Variants in BBS9 observed in about 807,000 individuals in gnomAD.
The protein encoded by BBS9 is Bardet-Biedl syndrome 9.
A neutral mutation model predicts 117.7 loss-of-function variants in BBS9; 89 were observed. That is an observed-to-expected ratio of 0.76 (90% CI 0.64 to 0.90). BBS9 has a LOEUF of 0.90. BBS9 is among the 40% of genes least tolerant of loss of function. The probability of loss-of-function intolerance (pLI) is 0.00; values close to 1 mark genes in which losing one functional copy is unlikely to be tolerated. For missense variants in BBS9, 982 were observed against 1,042.2 expected (o/e 0.94, Z 0.80); for synonymous variants, 379 against 370.9 (o/e 1.02, Z -0.25).
chr7:33,260,564 A>G (rs150493163), intron 6 of BBS9, among the ~76,000 whole-genome samples: 233 of 152,342 alleles, frequency 1.5e-3, no homozygotes, highest in African/African-American at 5.2e-3. Flanking sequence ...CTCTTCACTG[A>G]CTGAATAATT....
At chr7:33,459,225 T>A (rs1228533391) in intron 19 of BBS9, among the ~76,000 whole-genome samples, 1 of 152,108 alleles carries the variant, frequency 6.6e-6, no homozygotes, top group African/African-American at 2.4e-5. Context: ...TCTGCTTGTT[T>A]TAACTATCAT....
At position 33,366,611 on chromosome 7, in the gene BBS9, C is replaced by A. The variant is rs1407293983; in HGVS notation, c.1694-1156C>A. The stretch of plus-strand genomic sequence containing the variant: ...CCAGGCTGGAGTGCAGTGGCACGAT[C>A]TCGGCTCCCTGCAGCCTCCACCTCC... On this transcript the variant is annotated intron_variant, in intron 16 of 22. Coordinates refer to ENST00000242067, the MANE Select transcript of BBS9 (RefSeq NM_198428.3). Among the ~76,000 whole-genome samples the A allele has an allele frequency of 7.2e-4, 90 of 124,584 alleles. 1 individual carries two copies. Among genetic ancestry groups the A allele is most frequent in the African/African-American group, 2.6e-3 (83 of 32,350 alleles). The allele number at this position is 124,584 out of a possible 152,430, so 81.7% of individuals were successfully genotyped here.
At position 33,603,444 on chromosome 7, in the gene BBS9, G is replaced by A. The variant is rs116586421; in HGVS notation, c.2522-1421G>A. Among the ~76,000 whole-genome samples the A allele has an allele frequency of 2.4e-3, 363 of 152,174 alleles. 2 individuals carry two copies. Among genetic ancestry groups the A allele is most frequent in the African/African-American group, 8.0e-3 (333 of 41,534 alleles). Reference sequence around the variant, plus strand: ...CCTCTCCAAAGGTCTCAGCCCCACCGTGTGACAAGACTGGAGTTCTGTGAC... The same window carrying A: ...CCTCTCCAAAGGTCTCAGCCCCACCATGTGACAAGACTGGAGTTCTGTGAC... On this transcript the variant is annotated intron_variant, in intron 21 of 22. Transcript: ENST00000242067.
chr7:33,341,498 C>A (rs1449558708), intron 11 of BBS9, among the ~76,000 whole-genome samples: 2 of 151,942 alleles, frequency 1.3e-5, no homozygotes, highest in African/African-American at 4.8e-5. Context: ...TGACACAAGG[C>A]AAGGTACTTA....
At chr7:33,185,861 G>A (rs1798736191) in intron 5 of BBS9, among the ~76,000 whole-genome samples, 1 of 152,186 alleles carries the variant, frequency 6.6e-6, no homozygotes, top group Non-Finnish European at 1.5e-5. Flanking sequence ...GAGGTGTGCA[G>A]TATTTTGTGT....
chr7:33,179,812 T>A (rs1797847762), intron 5 of BBS9, among the ~76,000 whole-genome samples: 1 of 152,148 alleles, frequency 6.6e-6, no homozygotes. Context: ...ACCACTATTA[T>A]ATAGATTGCA....
intron 19 of BBS9, among the ~76,000 whole-genome samples, chr7:33,444,382 A>T (rs1208635503): frequency 1.3e-5 from 2 of 152,196 alleles, no homozygotes; most frequent in Non-Finnish European, 2.9e-5. Flanking sequence ...CATGATATAG[A>T]TTATTTTAAA....
intron 5 of BBS9, among the ~76,000 whole-genome samples, chr7:33,247,072 A>T (rs1277675184): frequency 6.6e-6 from 1 of 151,822 alleles, no homozygotes; most frequent in Admixed American, 6.6e-5. Flanking sequence ...TTCTGAGTGT[A>T]TATGTATGTG....
At chr7:33,154,839 A>T (rs919779518) in intron 3 of BBS9, among the ~76,000 whole-genome samples, 1 of 152,134 alleles carries the variant, frequency 6.6e-6, no homozygotes, top group Non-Finnish European at 1.5e-5. Context: ...TTCACATAAA[A>T]CCCAATGCTT....
At chr7:33,538,107 G>A (rs755220298) in intron 21 of BBS9, among the ~76,000 whole-genome samples, 1 of 152,174 alleles carries the variant, frequency 6.6e-6, no homozygotes, top group Non-Finnish European at 1.5e-5. Flanking sequence ...GGTGCCTCAA[G>A]TGAACATTCT....
chr7:33,493,682 A>G (rs999755465), intron 19 of BBS9, among the ~76,000 whole-genome samples: 2 of 152,182 alleles, frequency 1.3e-5, no homozygotes, highest in African/African-American at 2.4e-5. Context: ...TTGGACAATA[A>G]TCCAAGGCAG....
intron 4 of BBS9, among the ~76,000 whole-genome samples, chr7:33,158,389 T>C (rs1584212277): frequency 6.6e-6 from 1 of 152,204 alleles, no homozygotes; most frequent in East Asian, 1.9e-4. Context: ...TATGCTATAT[T>C]CAGTCCATAT....
chr7:33,534,786 G>A (rs1402779243), intron 21 of BBS9, among the ~76,000 whole-genome samples: 2 of 152,132 alleles, frequency 1.3e-5, no homozygotes, highest in East Asian at 1.9e-4. Flanking sequence ...GCAGTCAGTC[G>A]TGCAGCCCTC....
intron 19 of BBS9, among the ~76,000 whole-genome samples, chr7:33,493,080 C>T (rs1274027581): frequency 6.6e-6 from 1 of 152,044 alleles, no homozygotes; most frequent in African/African-American, 2.4e-5. Context: ...CTGCAGCCTC[C>T]ACCTCCCAGG....
At chr7:33,405,473 G>C (rs369016731) in intron 19 of BBS9, among the ~76,000 whole-genome samples, 14 of 146,556 alleles carry the variant, frequency 9.6e-5, no homozygotes, top group South Asian at 8.9e-4. Flanking sequence ...CCATCTGGTC[G>C]TGGACTCTTT....
intron 19 of BBS9, among the ~76,000 whole-genome samples, chr7:33,448,421 G>A (rs1298948933): frequency 3.3e-5 from 5 of 152,190 alleles, no homozygotes; most frequent in East Asian, 1.9e-4. Context: ...TTCTGAAGGC[G>A]GCATGGGGTA....
At chr7:33,581,559 T>A (rs1859919271) in intron 21 of BBS9, among the ~76,000 whole-genome samples, 1 of 152,156 alleles carries the variant, frequency 6.6e-6, no homozygotes, top group Non-Finnish European at 1.5e-5. Context: ...TGAACAGCCT[T>A]CAGTAGTAAC....
intron 21 of BBS9, among the ~76,000 whole-genome samples, chr7:33,618,140 GA>G (rs1238874706): frequency 3.7e-4 from 56 of 152,250 alleles, no homozygotes; most frequent in Middle Eastern, 3.4e-3. Flanking sequence ...AGGAATTAGA[GA>G]CCAACCTGGG....
At chr7:33,602,301 G>A (rs1270748615) in intron 21 of BBS9, among the ~76,000 whole-genome samples, 2 of 152,176 alleles carry the variant, frequency 1.3e-5, no homozygotes, top group East Asian at 3.8e-4. Context: ...GCTCAGCTTC[G>A]GCTTCTTTTC....
Sources: allele counts gnomAD v4.1 joint callset (sites outside exome capture counted in the v4.1 genomes callset), GRCh38; gene constraint gnomAD v4.1.1; transcripts MANE v1.5; gene names NCBI Gene and HGNC (gene_info 2026-07-23, HGNC 2026-07-21).